The following PGM5 variants were observed in gnomAD, a reference collection of about 807,000 sequenced individuals.
PGM5 encodes the protein phosphoglucomutase-like protein 5.
In PGM5, 23 loss-of-function variants were observed where a neutral mutation model predicts 59.2. That is an observed-to-expected ratio of 0.39 (90% CI 0.28 to 0.55). The LOEUF is 0.55. Among genes scored for constraint, PGM5 ranks in the 20% least tolerant of loss-of-function variants. The pLI is 0.66. For missense variants in PGM5, 574 were observed against 748.3 expected (o/e 0.77, Z 2.72); for synonymous variants, 214 against 286.0 (o/e 0.75, Z 2.54).
chr9:68,453,804 A>C (rs781999800), intron 6 of PGM5, among the ~76,000 whole-genome samples: 4 of 152,224 alleles, frequency 2.6e-5, no homozygotes, highest in Non-Finnish European at 5.9e-5. Flanking sequence ...CCTTCAAGAG[A>C]CTAACGGATT....
chr9:68,391,168 A>C (rs1204302632), intron 4 of PGM5, among the ~76,000 whole-genome samples: 2 of 151,830 alleles, frequency 1.3e-5, no homozygotes, highest in Non-Finnish European at 2.9e-5. Flanking sequence ...ACATTGCTAG[A>C]GCCCTTTAAT....
chr9:68,441,561 T>A (rs1304964342), intron 6 of PGM5, among the ~76,000 whole-genome samples: 1 of 152,076 alleles, frequency 6.6e-6, no homozygotes, highest in African/African-American at 2.4e-5. Flanking sequence ...TTGACAAAAT[T>A]TCAACATCCA....
intron 6 of PGM5, among the ~76,000 whole-genome samples, chr9:68,411,650 GAT>G (rs1470326779): frequency 5.9e-4 from 90 of 152,042 alleles, no homozygotes; most frequent in Non-Finnish European, 8.8e-5. Flanking sequence ...CTCTGGGTCA[GAT>G]AGTGTACGAA....
intron 6 of PGM5, among the ~76,000 whole-genome samples, chr9:68,402,776 G>A (rs1822704834): frequency 6.6e-6 from 1 of 152,166 alleles, no homozygotes. Context: ...TCTTAGGCCT[G>A]AAGGTACTTC....
chr9:68,476,525 T>C (rs1468579616), intron 7 of PGM5, among the ~76,000 whole-genome samples: 2 of 152,342 alleles, frequency 1.3e-5, no homozygotes, highest in East Asian at 1.9e-4. Flanking sequence ...TGATACAGCA[T>C]AGCGTTCACT....
At chr9:68,474,028 G>C (rs991291171) in intron 7 of PGM5, among the ~76,000 whole-genome samples, 1 of 152,024 alleles carries the variant, frequency 6.6e-6, no homozygotes, top group South Asian at 2.1e-4. Context: ...GACTGCATAC[G>C]GTGCCTTTCT....
chr9:68,398,342 G>A (rs1262897597), intron 6 of PGM5: 7 of 152,084 alleles, frequency 4.6e-5, no homozygotes, highest in African/African-American at 1.7e-4. Context: ...CCTCAAAAAG[G>A]TCTTACTAAA....
At chr9:68,363,838 G>C (rs1442225611) in intron 1 of PGM5, among the ~76,000 whole-genome samples, 74 of 151,530 alleles carry the variant, frequency 4.9e-4, no homozygotes, top group African/African-American at 1.8e-3. Flanking sequence ...GGTATGACAG[G>C]ATCATTTAAT....
chr9:68,438,307 AAAAAAAGAT>A (rs1823471952), intron 6 of PGM5, among the ~76,000 whole-genome samples: 1 of 151,468 alleles, frequency 6.6e-6, no homozygotes, highest in Non-Finnish European at 1.5e-5. Flanking sequence ...AAAAAAAAAA[AAAAAAAGAT>A]AGAATCTGAG....
intron 9 of PGM5, among the ~76,000 whole-genome samples, chr9:68,493,318 C>A (rs2093156966): frequency 6.6e-6 from 1 of 152,138 alleles, no homozygotes; most frequent in African/African-American, 2.4e-5. Flanking sequence ...ATTTATCAAA[C>A]ATTTATCAGA....
chr9:68,466,923 C>T (rs548433083), intron 7 of PGM5, among the ~76,000 whole-genome samples: 15 of 152,326 alleles, frequency 9.8e-5, no homozygotes, highest in Non-Finnish European at 1.9e-4. Flanking sequence ...TTTTCCTACC[C>T]TCTCCCCAGA....
At chr9:68,399,568 T>A (rs1174872989) in intron 6 of PGM5, among the ~76,000 whole-genome samples, 1 of 151,010 alleles carries the variant, frequency 6.6e-6, no homozygotes, top group Non-Finnish European at 1.5e-5. Context: ...AGCTTAAGCA[T>A]CTCTTCATAT....
In PGM5 at chr9:68,499,293, C is replaced by A. The variant is rs782091421; in HGVS notation, c.1546C>A (p.Arg516=). The part of the protein sequence containing the change: ...IFRLSSSSGV[R]ATLRLYAESY... ...CCGGCTCAGTTCCTCCAGTGGTGTG[C>A]GGGCCACCCTCAGACTGTACGCAGA... Residue 516 remains arginine (R), a synonymous_variant, in exon 10 of 11, where the codon CGG becomes AGG. Transcript: ENST00000396396. The A allele has an allele frequency of 2.6e-5, 42 of 1,613,962 alleles. No homozygotes were observed. In the Admixed American group the frequency reaches 6.8e-4, roughly 26 times the overall value.
At chr9:68,434,047 T>C (rs1823400093) in intron 6 of PGM5, among the ~76,000 whole-genome samples, 1 of 152,176 alleles carries the variant, frequency 6.6e-6, no homozygotes, top group Non-Finnish European at 1.5e-5. Flanking sequence ...CCAGACGCAG[T>C]GGCTCACGCC....
intron 6 of PGM5, among the ~76,000 whole-genome samples, chr9:68,440,201 A>G (rs1399312932): frequency 1.3e-5 from 2 of 152,238 alleles, no homozygotes; most frequent in African/African-American, 4.8e-5. Flanking sequence ...AATCAGTAAG[A>G]GAAGGAAGTA....
chr9:68,447,168 G>A (rs11142468), intron 6 of PGM5, among the ~76,000 whole-genome samples: 13,843 of 152,182 alleles, frequency 0.091, 1,121 homozygotes, highest in East Asian at 0.38. Context: ...CGGAGGGAGG[G>A]ACATGTCTGA....
chr9:68,390,182 T>C (rs1822329390), intron 4 of PGM5, among the ~76,000 whole-genome samples: 1 of 152,124 alleles, frequency 6.6e-6, no homozygotes, highest in Non-Finnish European at 1.5e-5. Flanking sequence ...TCTAAGGGCT[T>C]CTGGCTAGGC....
chr9:68,399,267 G>T (rs555637414), intron 6 of PGM5: 2 of 151,876 alleles, frequency 1.3e-5, no homozygotes, highest in African/African-American at 4.8e-5. Flanking sequence ...TGCTGCACAG[G>T]CACCCTGTGG....
At chr9:68,481,075 A>G (rs1196493214) in intron 8 of PGM5, among the ~76,000 whole-genome samples, 1 of 152,236 alleles carries the variant, frequency 6.6e-6, no homozygotes, top group Non-Finnish European at 1.5e-5. Flanking sequence ...GTTTATGAAT[A>G]GTTAACTACT....
Sources: allele counts gnomAD v4.1 joint callset (sites outside exome capture counted in the v4.1 genomes callset), GRCh38; gene constraint gnomAD v4.1.1; transcripts MANE v1.5; gene names NCBI Gene and HGNC (gene_info 2026-07-23, HGNC 2026-07-21).